Variants in LDLRAD3 observed in about 807,000 individuals in gnomAD.
LDLRAD3 encodes low density lipoprotein receptor class A domain containing 3.
LDLRAD3 carries 20 observed loss-of-function variants against 29.4 expected under a neutral mutation model. That is an observed-to-expected ratio of 0.68 (90% confidence interval 0.48 to 0.99). LDLRAD3 has a LOEUF of 0.99. LDLRAD3 is among the 50% of genes least tolerant of loss of function. The pLI is 0.00. For missense variants in LDLRAD3, 420 were observed against 454.3 expected (o/e 0.92, Z 0.69); for synonymous variants, 157 against 192.7 (o/e 0.81, Z 1.53).
rs138827926 is a variant in LDLRAD3, at chr11:36,167,795, A to G, written c.455-59290A>G. Among the ~76,000 whole-genome samples the G allele has an allele frequency of 2.0e-5, 3 of 152,312 alleles. No homozygotes were observed. The East Asian group carries it at 5.8e-4, about 29-fold the overall frequency. ...GCACTTTGTTACAGCAGCCCTGGGAAGCTAGCACGGTATCTAAGACATAGG... is the reference window on the plus strand; with the variant it reads ...GCACTTTGTTACAGCAGCCCTGGGAGGCTAGCACGGTATCTAAGACATAGG... On this transcript the variant is annotated intron_variant, in intron 4 of 5. Transcript: ENST00000315571.
At chr11:36,043,409 T>G (rs1852407880) in intron 2 of LDLRAD3, among the ~76,000 whole-genome samples, 1 of 152,220 alleles carries the variant, frequency 6.6e-6, no homozygotes, top group Non-Finnish European at 1.5e-5. Context: ...TTTTTTTCCT[T>G]TAACAATTTG....
intron 3 of LDLRAD3, among the ~76,000 whole-genome samples, chr11:36,082,621 A>ATTTGT (rs57858281): frequency 0.27 from 41,690 of 151,956 alleles, 5,910 homozygotes; most frequent in Non-Finnish European, 0.3. Flanking sequence ...GACCACCCTG[A>ATTTGT]TTTGTTTTAC....
intron 4 of LDLRAD3, among the ~76,000 whole-genome samples, chr11:36,119,454 A>G (rs902506262): frequency 6.6e-6 from 1 of 150,798 alleles, no homozygotes; most frequent in South Asian, 2.1e-4. Context: ...CCAGCAGTGC[A>G]TGAAGGTTCT....
chr11:36,147,522 C>T (rs761675854), intron 4 of LDLRAD3, among the ~76,000 whole-genome samples: 3 of 152,186 alleles, frequency 2.0e-5, no homozygotes, highest in African/African-American at 4.8e-5. Context: ...TCTGCAGAGA[C>T]CCCGTTTTCC....
chr11:36,162,850 C>A (rs1161556175), intron 4 of LDLRAD3, among the ~76,000 whole-genome samples: 1 of 152,204 alleles, frequency 6.6e-6, no homozygotes, highest in Non-Finnish European at 1.5e-5. Flanking sequence ...ATCCCCTTCT[C>A]ATGACAGTCT....
intron 4 of LDLRAD3, among the ~76,000 whole-genome samples, chr11:36,132,219 A>G (rs1299344010): frequency 1.3e-5 from 2 of 152,206 alleles, no homozygotes; most frequent in Admixed American, 6.5e-5. Context: ...TTTATAAAGG[A>G]GAGCGGAAGA....
intron 4 of LDLRAD3, among the ~76,000 whole-genome samples, chr11:36,226,097 T>TAAA (rs1855495139): frequency 8.5e-6 from 1 of 118,116 alleles, no homozygotes; most frequent in African/African-American, 2.9e-5. Flanking sequence ...AAATAAATAA[T>TAAA]GAATCATGTA....
intron 4 of LDLRAD3, among the ~76,000 whole-genome samples, chr11:36,120,452 G>C (rs913086729): frequency 5.9e-5 from 9 of 152,082 alleles, no homozygotes; most frequent in Non-Finnish European, 1.0e-4. Context: ...ACTCTCCTGA[G>C]CACTTTATGC....
chr11:36,053,334 T>C (rs1333130136), intron 2 of LDLRAD3, among the ~76,000 whole-genome samples: 1 of 152,136 alleles, frequency 6.6e-6, no homozygotes, highest in Non-Finnish European at 1.5e-5. Flanking sequence ...CTTCCAACTA[T>C]CATAGCATGA....
intron 4 of LDLRAD3, among the ~76,000 whole-genome samples, chr11:36,152,955 A>G (rs1854297533): frequency 6.6e-6 from 1 of 152,146 alleles, no homozygotes; most frequent in Admixed American, 6.5e-5. Context: ...GGTACAATCA[A>G]GCAGTCTCCT....
intron 4 of LDLRAD3, among the ~76,000 whole-genome samples, chr11:36,133,363 CTTTTCTTTTCTTTTCTTTTCTTTTCTT>C (rs1853955882): frequency 1.4e-4 from 1 of 7,056 alleles, no homozygotes; most frequent in Non-Finnish European, 3.5e-4. Context: ...CCTTTCTTTT[CTTTTCTTTTCTTTTCTTTTCTTTTCTT>C]TTCTTTTGGA....
At chr11:36,186,921 TC>T (rs1854857801) in intron 4 of LDLRAD3, among the ~76,000 whole-genome samples, 1 of 152,210 alleles carries the variant, frequency 6.6e-6, no homozygotes, top group Non-Finnish European at 1.5e-5. Flanking sequence ...GAGTTATTCC[TC>T]CCCTTAAGTT....
rs191177034 is a variant in LDLRAD3, at chr11:36,039,735, C to G, written c.193+3486C>G. ...TTGTTTTGGGAGGCTGCCTAATGCT[C>G]TGTCAAGTAGTGACACTGTAACTTA... On this transcript the variant is annotated intron_variant, in intron 2 of 5. Coordinates refer to ENST00000315571, the MANE Select transcript of LDLRAD3 (RefSeq NM_174902.4). Among the ~76,000 whole-genome samples the G allele has an allele frequency of 3.9e-5, 6 of 152,340 alleles. No homozygotes were observed. In the East Asian group the frequency reaches 9.6e-4, roughly 24 times the overall value.
intron 1 of LDLRAD3, among the ~76,000 whole-genome samples, chr11:35,971,544 G>C (rs545362883): frequency 2.0e-5 from 3 of 152,182 alleles, no homozygotes; most frequent in African/African-American, 7.2e-5. Flanking sequence ...ACCATGTGCA[G>C]ACACAGTGAG....
intron 1 of LDLRAD3, chr11:35,968,449 T>G: frequency 7.8e-6 from 3 of 382,420 alleles, no homozygotes; most frequent in Middle Eastern, 4.2e-4. Context: ...TGAGAAGGTG[T>G]GACACTGGAG....
chr11:36,134,089 C>T (rs1427657253), intron 4 of LDLRAD3, among the ~76,000 whole-genome samples: 1 of 151,984 alleles, frequency 6.6e-6, no homozygotes. Context: ...GGACATCAGA[C>T]ATTTGGATGG....
intron 4 of LDLRAD3, among the ~76,000 whole-genome samples, chr11:36,112,632 G>GAATGTCTCT (rs1267487717): frequency 6.6e-6 from 1 of 152,322 alleles, no homozygotes; most frequent in Non-Finnish European, 1.5e-5. Context: ...CAGCAAATCA[G>GAATGTCTCT]AATGTCTCTT....
At chr11:36,044,520 C>T (rs1852422409) in intron 2 of LDLRAD3, among the ~76,000 whole-genome samples, 1 of 152,218 alleles carries the variant, frequency 6.6e-6, no homozygotes, top group African/African-American at 2.4e-5. Context: ...CACCTCCATC[C>T]TCCGCTTCCC....
intron 4 of LDLRAD3, among the ~76,000 whole-genome samples, chr11:36,226,645 C>T (rs970468284): frequency 3.9e-5 from 6 of 152,216 alleles, no homozygotes; most frequent in Non-Finnish European, 8.8e-5. Context: ...TCGGGACATT[C>T]CCGTCACCCC....
Sources: gnomAD v4.1 joint callset for allele counts (sites outside exome capture counted in the v4.1 genomes callset) on GRCh38, gnomAD v4.1.1 for gene constraint, MANE v1.5 for transcripts, NCBI Gene and HGNC (gene_info 2026-07-23, HGNC 2026-07-21) for gene names.